The following SETX variants were observed in gnomAD, a reference collection of about 807,000 sequenced individuals.
SETX encodes the protein senataxin.
SETX carries 90 observed loss-of-function variants against 227.2 expected under a neutral mutation model. That is an observed-to-expected ratio of 0.40 (90% CI 0.33 to 0.47). The LOEUF is 0.47. Among genes scored for constraint, SETX ranks in the 20% least tolerant of loss-of-function variants. The probability of loss-of-function intolerance (pLI) is 0.91; values close to 1 mark genes in which losing one functional copy is unlikely to be tolerated. For synonymous variants in SETX, 1,210 were observed against 1,113.2 expected, an observed-to-expected ratio of 1.09 and a Z score of -1.73; for missense variants, 3,052 against 3,181.5, an observed-to-expected ratio of 0.96 and a Z score of 0.98.
In SETX at chr9:132,264,539, A is replaced by C; in HGVS notation, c.7734T>G (p.Pro2578=). The C allele has an allele frequency of 1.9e-6, 3 of 1,614,032 alleles. No individual in the cohort carries two copies. The highest frequency in any genetic ancestry group is 2.5e-6 in the Non-Finnish European group (3 of 1,179,982). The change falls in exon 26 of 26, where the codon CCT becomes CCG. Residue 2578 remains proline, a synonymous_variant. Transcript: ENST00000224140. ...ATPPTGEPGF[P]VVHQDLSHIQ... ...TATGGCTCAGGTCCTGGTGAACGAC[A>C]GGGAAGCCCGGCTCGCCCGTAGGAG...
chr9:132,334,623 C>T lies in SETX; in HGVS notation c.823G>A (p.Glu275Lys), dbSNP rs901741485. The T allele has an allele frequency of 1.1e-5, 18 of 1,613,924 alleles. No individual in the cohort carries two copies. The highest frequency in any genetic ancestry group is 1.4e-5 in the Non-Finnish European group (17 of 1,179,938). Reference protein sequence around the residue: ...DFMQSILHTMEREADDDSVDP... With the variant: ...DFMQSILHTMKREADDDSVDP... ...AGTTTATTACCATCTGCTTCCCTCT[C>T]CATAGTGTGAAGTATCGATTGCATA... is the stretch of plus-strand genomic sequence containing the variant. Residue 275 changes from glutamate to lysine, a missense_variant, in exon 7 of 26, where the codon GAG (glutamate) becomes AAG (lysine). Around this residue, in one of 10 missense-constraint regions of SETX, gnomAD observed 239 missense variants for 240.8 expected, o/e 0.99. Coordinates refer to ENST00000224140, the MANE Select transcript of SETX (RefSeq NM_015046.7).
chr9:132,333,390 A>G (rs1272848893), intron 7 of SETX, among the ~76,000 whole-genome samples: 1 of 55,726 alleles, frequency 1.8e-5, no homozygotes, highest in Non-Finnish European at 3.4e-5. Context: ...AAAGAAAAAA[A>G]AAAAAAAGAA....
At chr9:132,283,110 A>G (rs1362678285) in intron 19 of SETX, 154 bp downstream of exon 19, 14 of 933,488 alleles carry the variant, frequency 1.5e-5, no homozygotes, top group Non-Finnish European at 2.2e-5. Flanking sequence ...ATTAAGGAGT[A>G]TATTTCTACA....
At chr9:132,269,500 TAAC>T (rs769407231) in intron 25 of SETX, 112 bp downstream of exon 25, 6 of 1,600,132 alleles carry the variant, frequency 3.7e-6, no homozygotes, top group East Asian at 2.3e-5. Flanking sequence ...CTGGAAAACA[TAAC>T]AACCATTATT....
chr9:132,286,007 AC>A (rs1001118595), intron 18 of SETX, among the ~76,000 whole-genome samples: 2 of 148,938 alleles, frequency 1.3e-5, no homozygotes, highest in African/African-American at 5.0e-5. Flanking sequence ...ACACGGTGAA[AC>A]CCCGTCTCTA....
At chr9:132,337,300 CA>C (rs1172622674) in intron 5 of SETX, among the ~76,000 whole-genome samples, 12 of 150,740 alleles carry the variant, frequency 8.0e-5, no homozygotes, top group Admixed American at 3.3e-4. Context: ...ACAGAATGTC[CA>C]AAAAAGGAAA....
intron 20 of SETX, among the ~76,000 whole-genome samples, 180 bp from the exon 21 acceptor site, chr9:132,278,437 CTTTTTTTTTTTTTTTTTTTTTTTTT>C (rs67558000): frequency 2.4e-5 from 2 of 84,832 alleles, no homozygotes; most frequent in East Asian, 5.4e-4. Context: ...TGCCATGAAT[CTTTTTTTTTTTTTTTTTTTTTTTTT>C]TTTTTTTTTG....
intron 10 of SETX, among the ~76,000 whole-genome samples, chr9:132,314,001 C>T (rs770102911): frequency 1.4e-4 from 22 of 152,086 alleles, no homozygotes; most frequent in Non-Finnish European, 2.1e-4. Flanking sequence ...GCACCATTTC[C>T]GCTCACTGCA....
chr9:132,352,296 AATT>A (rs1339554071), intron 2 of SETX, among the ~76,000 whole-genome samples: 1 of 152,098 alleles, frequency 6.6e-6, no homozygotes, highest in Non-Finnish European at 1.5e-5. Context: ...TCACCTTCAT[AATT>A]ACCCCTGCCT....
chr9:132,319,063 C>A (rs1170306058), intron 10 of SETX, among the ~76,000 whole-genome samples: 1 of 152,214 alleles, frequency 6.6e-6, no homozygotes, highest in East Asian at 1.9e-4. Context: ...CATTTGACAT[C>A]AAGTAAACAG....
At chr9:132,300,907 A>G in intron 11 of SETX, 104 bp from the exon 12 acceptor site, 2 of 1,032,900 alleles carry the variant, frequency 1.9e-6, no homozygotes, top group South Asian at 3.1e-5. Flanking sequence ...TCAAAAATAC[A>G]CAGCACTAAA....
At chr9:132,265,914 A>C (rs1842626783) in intron 25 of SETX, among the ~76,000 whole-genome samples, 1 of 152,044 alleles carries the variant, frequency 6.6e-6, no homozygotes, top group African/African-American at 2.4e-5. Flanking sequence ...CGAATGGCTA[A>C]AACATCTTCA....
chr9:132,285,052 G>C (rs954372210), intron 18 of SETX, among the ~76,000 whole-genome samples: 3 of 152,018 alleles, frequency 2.0e-5, no homozygotes, highest in Non-Finnish European at 4.4e-5. Flanking sequence ...CTAATTTTTT[G>C]TATTTTATTA....
chr9:132,316,170 G>A (rs895421348), intron 10 of SETX, among the ~76,000 whole-genome samples: 1 of 152,214 alleles, frequency 6.6e-6, no homozygotes, highest in African/African-American at 2.4e-5. Context: ...AAGACTGCTA[G>A]ATCATAAAGG....
intron 6 of SETX, 94 bp downstream of exon 6, chr9:132,336,202 C>T: frequency 9.8e-7 from 1 of 1,022,110 alleles, no homozygotes; most frequent in Non-Finnish European, 1.5e-6. Context: ...GAGATGGTGC[C>T]ACTGCACTCC....
intron 10 of SETX, among the ~76,000 whole-genome samples, chr9:132,321,312 G>A (rs889301554): frequency 6.6e-6 from 1 of 152,112 alleles, no homozygotes; most frequent in African/African-American, 2.4e-5. Flanking sequence ...CTGAGGTCAG[G>A]AGTTTGAGAC....
chr9:132,321,246 G>A (rs1365670467), intron 10 of SETX, among the ~76,000 whole-genome samples: 2 of 152,162 alleles, frequency 1.3e-5, no homozygotes, highest in African/African-American at 2.4e-5. Flanking sequence ...GAGGCCGGGC[G>A]CGGTGGCTCA....
intron 7 of SETX, among the ~76,000 whole-genome samples, chr9:132,334,020 A>G (rs1475731710): frequency 6.6e-6 from 1 of 152,122 alleles, no homozygotes; most frequent in Non-Finnish European, 1.5e-5. Flanking sequence ...GGCTTACCCC[A>G]CAATGTTAAC....
chr9:132,345,489 G>A (rs139922776), intron 4 of SETX, among the ~76,000 whole-genome samples: 8,258 of 152,184 alleles, frequency 0.054, 375 homozygotes, highest in East Asian at 0.17. Flanking sequence ...AGCAAGGCTG[G>A]TCTTGAACTC....
Sources: allele counts gnomAD v4.1 joint callset (sites outside exome capture counted in the v4.1 genomes callset), GRCh38; gene constraint gnomAD v4.1.1; regional missense constraint gnomAD v4.1.1; transcripts MANE v1.5; gene names NCBI Gene and HGNC (gene_info 2026-07-23, HGNC 2026-07-21).